ARL3: variants seen among roughly 807,000 people sequenced by gnomAD.
ARL3 encodes the protein ADP-ribosylation factor-like protein 3.
In ARL3, 9 loss-of-function variants were observed where a neutral mutation model predicts 26.0. That is an observed-to-expected ratio of 0.35 (90% CI 0.21 to 0.60). ARL3 has a LOEUF of 0.60. Among genes scored for constraint, ARL3 ranks in the 20% least tolerant of loss-of-function variants. The pLI, the probability that ARL3 is intolerant of heterozygous loss-of-function variation, is 0.78. For missense variants in ARL3, 158 were observed against 215.7 expected (o/e 0.73, Z 1.67); for synonymous variants, 71 against 78.4 (o/e 0.91, Z 0.50).
chr10:102,673,978 G>C lies in ARL3; in HGVS notation c.*2916C>G, dbSNP rs898347285. 3.3e-5 allele frequency: 5 copies of C among 152,552 alleles called. No homozygotes were observed. Among genetic ancestry groups the C allele is most frequent in the Non-Finnish European group, 7.4e-5 (5 of 68,020 alleles). 9.4% of individuals were successfully genotyped at this position (152,552 alleles called of 1,614,324 possible). A position where few individuals can be genotyped will look rare whatever the true frequency, so the allele number is the denominator to read the frequency against. Reference sequence around the variant, plus strand: ...AAGGGAAATCAAAGCAAACTCTGACGGGAATGGAGAGACGAGTCCTGGTGA... The same window carrying C: ...AAGGGAAATCAAAGCAAACTCTGACCGGAATGGAGAGACGAGTCCTGGTGA... On this transcript the variant is annotated 3_prime_UTR_variant, in exon 6 of 6. Coordinates refer to ENST00000260746, the MANE Select transcript of ARL3 (RefSeq NM_004311.4).
At position 102,690,680 on chromosome 10, in the gene ARL3, A is replaced by G. The variant is rs188721981; in HGVS notation, c.265-737T>C. Among the ~76,000 whole-genome samples, 233 of 152,296 alleles carry G rather than the reference A, an allele frequency of 1.5e-3. 1 individual carries two copies. Among genetic ancestry groups the G allele is most frequent in the African/African-American group, 5.5e-3 (227 of 41,556 alleles). On this transcript the variant is annotated intron_variant, in intron 3 of 5. Transcript: ENST00000260746. ...AGTAACATGAATATATCTTGAAAAG[A>G]CATTTATATCTGTCAAAAGGCTGTT...
At chr10:102,677,519 T>C (rs2064136203) in intron 5 of ARL3, among the ~76,000 whole-genome samples, 1 of 152,218 alleles carries the variant, frequency 6.6e-6, no homozygotes, top group South Asian at 2.1e-4. Flanking sequence ...CTTATAGCTT[T>C]AAGCACCAGC....
At chr10:102,685,712 C>A in intron 5 of ARL3, 104 bp downstream of exon 5, 1 of 1,252,828 alleles carries the variant, frequency 8.0e-7, no homozygotes, top group South Asian at 1.5e-5. Context: ...CCCTTCATAT[C>A]TTGGAATGGC....
chr10:102,704,625 G>A (rs2064298516), intron 2 of ARL3, among the ~76,000 whole-genome samples: 2 of 152,124 alleles, frequency 1.3e-5, no homozygotes, highest in South Asian at 4.1e-4. Context: ...GTGTGACAAA[G>A]CAAGACTGTG....
At chr10:102,697,702 G>A (rs2064256360) in intron 3 of ARL3, among the ~76,000 whole-genome samples, 1 of 152,098 alleles carries the variant, frequency 6.6e-6, no homozygotes, top group Non-Finnish European at 1.5e-5. Flanking sequence ...GGACTCCGGG[G>A]CTCTCTAACA....
chr10:102,701,546 T>C (rs1372229761), intron 2 of ARL3, among the ~76,000 whole-genome samples: 1 of 152,208 alleles, frequency 6.6e-6, no homozygotes, highest in Non-Finnish European at 1.5e-5. Flanking sequence ...TTAAGCTTAT[T>C]GAAAAAAGTT....
At chr10:102,699,159 A>G (rs1481861855) in intron 3 of ARL3, among the ~76,000 whole-genome samples, 3 of 152,232 alleles carry the variant, frequency 2.0e-5, no homozygotes, top group Non-Finnish European at 4.4e-5. Flanking sequence ...GGGTGTGGGT[A>G]CAACATTGTT....
chr10:102,693,844 T>G (rs1413793158), intron 3 of ARL3, among the ~76,000 whole-genome samples: 1 of 151,968 alleles, frequency 6.6e-6, no homozygotes, highest in Non-Finnish European at 1.5e-5. Flanking sequence ...GGCTAATTTT[T>G]TTTTATTTTT....
At chr10:102,699,859 A>G (rs889377454) in intron 2 of ARL3, among the ~76,000 whole-genome samples, 4 of 152,204 alleles carry the variant, frequency 2.6e-5, no homozygotes, top group Non-Finnish European at 5.9e-5. Flanking sequence ...GTAACTAACA[A>G]CAAAAAAAAA....
chr10:102,683,713 C>T (rs1163590444), intron 5 of ARL3, among the ~76,000 whole-genome samples: 3 of 152,114 alleles, frequency 2.0e-5, no homozygotes, highest in African/African-American at 4.8e-5. Context: ...AGCTTGCTGC[C>T]TCTTTTGTGG....
intron 4 of ARL3, among the ~76,000 whole-genome samples, chr10:102,686,400 A>T (rs1264887750): frequency 5.0e-5 from 7 of 141,410 alleles, no homozygotes; most frequent in Non-Finnish European, 7.7e-5. Context: ...AGAAAAAAAA[A>T]TAACAGTTAA....
At chr10:102,708,908 A>ATATATATATTT in intron 1 of ARL3, among the ~76,000 whole-genome samples, 171 of 95,292 alleles carry the variant, frequency 1.8e-3, no homozygotes, top group East Asian at 4.6e-3. Context: ...ATATATATAT[A>ATATATATATTT]TTTTTTTTTT....
chr10:102,679,717 G>A (rs1330657282), intron 5 of ARL3, among the ~76,000 whole-genome samples: 1 of 152,230 alleles, frequency 6.6e-6, no homozygotes, highest in Non-Finnish European at 1.5e-5. Flanking sequence ...AGCTCCGATA[G>A]TGCCAGAGGT....
At chr10:102,694,651 T>A (rs915258822) in intron 3 of ARL3, among the ~76,000 whole-genome samples, 1 of 152,186 alleles carries the variant, frequency 6.6e-6, no homozygotes, top group Non-Finnish European at 1.5e-5. Context: ...CATATTCATG[T>A]AAGCCTATTT....
At position 102,676,342 on chromosome 10, in the gene ARL3, T is replaced by G. The variant is rs2064130926; in HGVS notation, c.*552A>C. 1.3e-5 allele frequency: 2 copies of G among 152,368 alleles called. No individual in the cohort carries two copies. Among genetic ancestry groups the G allele is most frequent in the Admixed American group, 6.6e-5 (1 of 15,248 alleles). 9.4% of individuals were successfully genotyped at this position (152,368 alleles called of 1,614,324 possible). A position where few individuals can be genotyped will look rare whatever the true frequency, so the allele number is the denominator to read the frequency against. ...GCAAGACGATGAGATGGTTTAATTA[T>G]CTGCCTTTTCTCCCCCCACCCCCAC... On this transcript the variant is annotated 3_prime_UTR_variant, in exon 6 of 6. Transcript: ENST00000260746.
chr10:102,692,425 T>A (rs939231395), intron 3 of ARL3, among the ~76,000 whole-genome samples: 3 of 152,224 alleles, frequency 2.0e-5, no homozygotes, highest in Admixed American at 2.0e-4. Flanking sequence ...ACACTTTTGT[T>A]TTTTTGTTGA....
In ARL3 at chr10:102,674,248, A is replaced by C. The variant is rs1479080535; in HGVS notation, c.*2646T>G. ...CCCTGGCACATTTCTAACCGCCGGC[A>C]TAATCGCTGACTTTCAGCTGTGCAC... On this transcript the variant is annotated 3_prime_UTR_variant, in exon 6 of 6. Coordinates refer to ENST00000260746, the MANE Select transcript of ARL3 (RefSeq NM_004311.4). 6.6e-6 allele frequency: 1 copy of C among 152,344 alleles called. No individual in the cohort carries two copies. The highest frequency in any genetic ancestry group is 1.9e-4 in the East Asian group (1 of 5,162). 9.4% of individuals were successfully genotyped at this position (152,344 alleles called of 1,614,324 possible).
intron 1 of ARL3, among the ~76,000 whole-genome samples, chr10:102,713,086 T>C (rs2064355923): frequency 7.3e-4 from 1 of 1,364 alleles, no homozygotes; most frequent in Non-Finnish European, 0.017. Flanking sequence ...AGTTTTTTTG[T>C]TTTTTTTTTT....
intron 5 of ARL3, among the ~76,000 whole-genome samples, chr10:102,678,151 C>T (rs1448378283): frequency 2.0e-5 from 3 of 152,148 alleles, no homozygotes; most frequent in Non-Finnish European, 2.9e-5. Context: ...GATAATCTGA[C>T]GGCTGTCCCA....
Sources: allele counts gnomAD v4.1 joint callset (sites outside exome capture counted in the v4.1 genomes callset), GRCh38; gene constraint gnomAD v4.1.1; transcripts MANE v1.5; gene names NCBI Gene and HGNC (gene_info 2026-07-23, HGNC 2026-07-21).